The following DRC4 variants were observed in gnomAD, a reference collection of about 807,000 sequenced individuals.
DRC4 encodes dynein regulatory complex subunit 4.
At chr16:90,042,112 G>A in the DRC4 span, among the ~76,000 whole-genome samples, 6 of 152,038 alleles carry the variant, frequency 3.9e-5, no homozygotes, top group Non-Finnish European at 5.9e-5. Context: ...GCTACTTTTC[G>A]TATAGTAGAG....
chr16:90,042,874 G>A, the DRC4 span: 1 of 502,390 alleles, frequency 2.0e-6, no homozygotes, highest in Non-Finnish European at 3.6e-6. Flanking sequence ...GGAAGGGAGG[G>A]CGTGAAGAAC....
chr16:90,038,329 G>A, the DRC4 span, among the ~76,000 whole-genome samples: 2 of 152,142 alleles, frequency 1.3e-5, no homozygotes, highest in African/African-American at 2.4e-5. Context: ...TGTATGTTAC[G>A]AACACGGGAT....
the DRC4 span, chr16:90,044,215 T>A: frequency 2.7e-5 from 12 of 451,796 alleles, no homozygotes; most frequent in Non-Finnish European, 4.9e-5. Context: ...AGAGCTGGAG[T>A]TGGCTCAGAT....
chr16:90,026,726 C>G, the DRC4 span, among the ~76,000 whole-genome samples: 1 of 151,756 alleles, frequency 6.6e-6, no homozygotes, highest in Non-Finnish European at 1.5e-5. Context: ...TTCTACTGCC[C>G]AGGCTGGAGT....
At chr16:90,025,582 G>T in the DRC4 span, among the ~76,000 whole-genome samples, 1 of 147,548 alleles carries the variant, frequency 6.8e-6, no homozygotes. Flanking sequence ...TCCGGGAGGC[G>T]GAGGTTGCAG....
the DRC4 span, among the ~76,000 whole-genome samples, chr16:90,020,333 G>C: frequency 6.6e-6 from 1 of 151,632 alleles, no homozygotes; most frequent in African/African-American, 2.4e-5. Flanking sequence ...GAAAAGAAAA[G>C]AAAAAGTCTA....
the DRC4 span, chr16:90,043,349 C>CA: frequency 6.6e-7 from 1 of 1,512,116 alleles, no homozygotes; most frequent in Non-Finnish European, 8.7e-7. Context: ...GACGTAGCTG[C>CA]CCCCCTGGGG....
chr16:90,039,455 G>A, the DRC4 span, among the ~76,000 whole-genome samples: 1,952 of 143,776 alleles, frequency 0.014, 23 homozygotes, highest in African/African-American at 0.033. Context: ...GCACGATCTC[G>A]GCTCACTGCA....
the DRC4 span, chr16:90,044,339 G>A: frequency 2.4e-6 from 1 of 410,556 alleles, no homozygotes. Context: ...ATTGCTGCCT[G>A]GACACCTTTC....
the DRC4 span, chr16:90,029,017 G>A: frequency 7.7e-7 from 1 of 1,305,340 alleles, no homozygotes; most frequent in Non-Finnish European, 1.0e-6. Context: ...AAGATGTCTG[G>A]AGCTGCTGGA....
the DRC4 span, among the ~76,000 whole-genome samples, chr16:90,033,163 G>C: frequency 6.6e-6 from 1 of 152,022 alleles, no homozygotes; most frequent in Non-Finnish European, 1.5e-5. Flanking sequence ...TCACCGAAGA[G>C]AAAAAATCCA....
the DRC4 span, chr16:90,029,307 T>G: frequency 4.4e-6 from 6 of 1,365,406 alleles, no homozygotes; most frequent in Admixed American, 9.5e-5. Flanking sequence ...GGGGGTGACC[T>G]GGAGACTCCT....
At chr16:90,028,480 G>A in the DRC4 span, among the ~76,000 whole-genome samples, 7 of 151,952 alleles carry the variant, frequency 4.6e-5, no homozygotes, top group South Asian at 2.1e-4. Flanking sequence ...GAGCCACCAC[G>A]CCTGGCCAGT....
the DRC4 span, chr16:90,022,477 C>T: frequency 5.4e-5 from 24 of 443,694 alleles, no homozygotes; most frequent in Non-Finnish European, 8.8e-5. Flanking sequence ...ATAAGCAAAA[C>T]ATGCCCTGCA....
the DRC4 span, chr16:90,027,572 A>G: frequency 5.2e-6 from 8 of 1,547,462 alleles, no homozygotes; most frequent in Non-Finnish European, 7.1e-6. Flanking sequence ...CCTGGGAGCA[A>G]ATCAGAGCCA....
the DRC4 span, among the ~76,000 whole-genome samples, chr16:90,035,064 C>T: frequency 3.9e-5 from 6 of 152,096 alleles, no homozygotes; most frequent in African/African-American, 1.4e-4. Context: ...CCACCATGCC[C>T]GGCTAATTTT....
chr16:90,026,063 G>T, the DRC4 span, among the ~76,000 whole-genome samples: 3 of 152,088 alleles, frequency 2.0e-5, no homozygotes, highest in African/African-American at 2.4e-5. Context: ...AGTCTGCAGT[G>T]AGCTATGTGA....
At chr16:90,041,533 C>T in the DRC4 span, among the ~76,000 whole-genome samples, 66 of 152,112 alleles carry the variant, frequency 4.3e-4, 1 homozygote, top group African/African-American at 9.9e-4. Flanking sequence ...TAGCCGGGCG[C>T]GGTGGCTCAC....
the DRC4 span, among the ~76,000 whole-genome samples, chr16:90,037,576 G>A: frequency 1.5e-4 from 23 of 152,158 alleles, no homozygotes; most frequent in Admixed American, 7.9e-4. Flanking sequence ...GGGGTGTTTT[G>A]GAGACAAGGC....
Sources: gnomAD v4.1 joint callset for allele counts (sites outside exome capture counted in the v4.1 genomes callset) on GRCh38, gnomAD v4.1.1 for gene constraint, MANE v1.5 for transcripts, NCBI Gene and HGNC (gene_info 2026-07-23, HGNC 2026-07-21) for gene names.